Variants in SRBD1 observed in about 807,000 individuals in gnomAD.
The protein encoded by SRBD1 is S1 RNA-binding domain-containing protein 1.
SRBD1 carries 88 observed loss-of-function variants against 115.3 expected under a neutral mutation model. That is an observed-to-expected ratio of 0.76 (90% CI 0.64 to 0.91). SRBD1 has a LOEUF of 0.91. Ranked by LOEUF, SRBD1 falls within the 40% of genes least tolerant of loss-of-function variation. The pLI is 0.00. For missense variants in SRBD1, 1,385 were observed against 1,177.4 expected (o/e 1.18, Z -2.58); for synonymous variants, 509 against 407.7 (o/e 1.25, Z -2.99).
Position 45,426,679 on chromosome 2 carries a change from G to T in SRBD1, c.2050-6785C>A, listed in dbSNP as rs181181903. Among the ~76,000 whole-genome samples, 4 of 152,316 alleles carry T rather than the reference G, an allele frequency of 2.6e-5. 1 individual carries two copies. The highest frequency in any genetic ancestry group is 9.6e-5 in the African/African-American group (4 of 41,566). ...AAAAGGCAGCAATCTTTGCTGTTCT[G>T]CAGCCTCCACTGGTGATACCCAGGC... On this transcript the variant is annotated intron_variant, in intron 16 of 20. Transcript: ENST00000263736.
At chr2:45,598,430 C>G (rs56234861) in intron 4 of SRBD1, among the ~76,000 whole-genome samples, 2 of 151,552 alleles carry the variant, frequency 1.3e-5, no homozygotes, top group Non-Finnish European at 2.9e-5. Context: ...CTGGCTAACA[C>G]GGTGAAACCC....
At chr2:45,592,032 C>G (rs1364460701) in intron 4 of SRBD1, among the ~76,000 whole-genome samples, 1 of 152,136 alleles carries the variant, frequency 6.6e-6, no homozygotes, top group Admixed American at 6.5e-5. Context: ...GCCAGTCTCT[C>G]CTGTGCTATT....
At chr2:45,523,974 C>G (rs890912750) in intron 14 of SRBD1, among the ~76,000 whole-genome samples, 1 of 151,964 alleles carries the variant, frequency 6.6e-6, no homozygotes. Context: ...TGGGATTTAT[C>G]CCAAAAATGC....
At chr2:45,530,230 T>G (rs1030785216) in intron 14 of SRBD1, among the ~76,000 whole-genome samples, 1 of 152,046 alleles carries the variant, frequency 6.6e-6, no homozygotes, top group African/African-American at 2.4e-5. Flanking sequence ...GATGACTCAT[T>G]TGCAAGCTCA....
At chr2:45,439,003 A>G (rs1668582119) in intron 16 of SRBD1, among the ~76,000 whole-genome samples, 1 of 152,176 alleles carries the variant, frequency 6.6e-6, no homozygotes, top group Non-Finnish European at 1.5e-5. Flanking sequence ...TACATGTTAT[A>G]TATGGAGGAA....
At chr2:45,575,813 C>T (rs922457929) in intron 7 of SRBD1, among the ~76,000 whole-genome samples, 1 of 152,184 alleles carries the variant, frequency 6.6e-6, no homozygotes, top group African/African-American at 2.4e-5. Flanking sequence ...AAGTGATTCT[C>T]CTGCCTCAGC....
chr2:45,395,359 T>C (rs2103819375), intron 19 of SRBD1, among the ~76,000 whole-genome samples: 1 of 152,294 alleles, frequency 6.6e-6, no homozygotes, highest in Middle Eastern at 3.4e-3. Context: ...TGCTTGCACA[T>C]GTGTATGTGT....
intron 14 of SRBD1, among the ~76,000 whole-genome samples, chr2:45,521,320 A>AC (rs1558451567): frequency 9.0e-6 from 1 of 111,488 alleles, no homozygotes; most frequent in Non-Finnish European, 2.0e-5. Flanking sequence ...CACACACACA[A>AC]ACCAAACTCG....
At chr2:45,437,102 T>C (rs1558393822) in intron 16 of SRBD1, among the ~76,000 whole-genome samples, 1 of 152,136 alleles carries the variant, frequency 6.6e-6, no homozygotes, top group Non-Finnish European at 1.5e-5. Flanking sequence ...ACTCTATTGA[T>C]AGAAATCAAA....
chr2:45,452,800 G>A (rs76044149), intron 16 of SRBD1, among the ~76,000 whole-genome samples: 3 of 151,886 alleles, frequency 2.0e-5, no homozygotes, highest in East Asian at 1.9e-4. Flanking sequence ...GTGGGGGGGC[G>A]TAAGTTGGTT....
At chr2:45,556,892 G>T (rs1375386208) in intron 10 of SRBD1, among the ~76,000 whole-genome samples, 1 of 152,020 alleles carries the variant, frequency 6.6e-6, no homozygotes, top group African/African-American at 2.4e-5. Flanking sequence ...ACTTATAATG[G>T]TGCCTAATAC....
chr2:45,455,212 T>C (rs1669115832), intron 16 of SRBD1, among the ~76,000 whole-genome samples: 1 of 151,966 alleles, frequency 6.6e-6, no homozygotes, highest in Non-Finnish European at 1.5e-5. Context: ...TTAATATTAG[T>C]AAATTTCTAT....
At position 45,551,130 on chromosome 2, in the gene SRBD1, G is replaced by A. The variant is rs762642716; in HGVS notation, c.1670C>T (p.Pro557Leu). Reference sequence around the variant, plus strand: ...AAAATTGCAAGACAACTTACTAGTAGGAGAAATTATAGCTAATTTGCAACC... The same window carrying A: ...AAAATTGCAAGACAACTTACTAGTAAGAGAAATTATAGCTAATTTGCAACC... Reference protein sequence around the residue: ...KHGCKLAIISPTSQILHTDVV... With the variant: ...KHGCKLAIISLTSQILHTDVV... The change falls in exon 12 of 21, where the codon CCT becomes CTT. Residue 557 changes from proline (P) to leucine (L), a missense_variant. Transcript: ENST00000263736. 1.9e-6 allele frequency: 3 copies of A among 1,591,860 alleles called. No homozygotes were observed. The South Asian group carries it at 3.5e-5, about 18-fold the overall frequency.
chr2:45,508,030 G>C (rs146794960), intron 14 of SRBD1, among the ~76,000 whole-genome samples: 5 of 152,198 alleles, frequency 3.3e-5, no homozygotes, highest in African/African-American at 4.8e-5. Context: ...CCTGACACAA[G>C]TTCTTAAAGC....
intron 17 of SRBD1, among the ~76,000 whole-genome samples, chr2:45,419,099 CAA>C (rs1667922395): frequency 6.6e-6 from 1 of 152,100 alleles, no homozygotes. Flanking sequence ...CAGAGAATCT[CAA>C]CTCTATTATA....
At chr2:45,580,105 TA>T (rs1424861055) in intron 6 of SRBD1, 92 bp from the exon 7 acceptor site, 14 of 1,081,278 alleles carry the variant, frequency 1.3e-5, no homozygotes, top group Admixed American at 3.1e-5. Context: ...CTGAGAATGC[TA>T]AAGAAATCCT....
chr2:45,557,958 A>G (rs549983995), intron 10 of SRBD1, among the ~76,000 whole-genome samples: 3 of 152,338 alleles, frequency 2.0e-5, no homozygotes, highest in African/African-American at 7.2e-5. Context: ...AACTCCTCCA[A>G]AGAAATATTC....
intron 4 of SRBD1, among the ~76,000 whole-genome samples, chr2:45,596,093 G>A (rs1673885643): frequency 6.6e-6 from 1 of 152,202 alleles, no homozygotes; most frequent in African/African-American, 2.4e-5. Context: ...CCATAAAATA[G>A]TTCTTGTGCC....
chr2:45,473,725 T>C (rs967902517), intron 16 of SRBD1, among the ~76,000 whole-genome samples: 1 of 152,218 alleles, frequency 6.6e-6, no homozygotes, highest in Admixed American at 6.5e-5. Context: ...CTCTGAATAC[T>C]TTTAGTCAGT....
Sources: allele counts gnomAD v4.1 joint callset (sites outside exome capture counted in the v4.1 genomes callset), GRCh38; gene constraint gnomAD v4.1.1; transcripts MANE v1.5; gene names NCBI Gene and HGNC (gene_info 2026-07-23, HGNC 2026-07-21).